The following TMEM268 variants were observed in gnomAD, a reference collection of about 807,000 sequenced individuals.
The protein encoded by TMEM268 is transmembrane protein C9orf91.
In TMEM268, 24 loss-of-function variants were observed where a neutral mutation model predicts 39.1. The observed-to-expected ratio is 0.61, with a 90% CI of 0.44 to 0.86. The LOEUF is 0.86. Among genes scored for constraint, TMEM268 ranks in the 40% least tolerant of loss-of-function variants. TMEM268 has a pLI of 0.00. For missense variants in TMEM268, 409 were observed against 428.6 expected, an observed-to-expected ratio of 0.95 and a Z score of 0.40; for synonymous variants, 176 against 173.5, an observed-to-expected ratio of 1.01 and a Z score of -0.12.
chr9:114,614,679 AGAC>A (rs973944044), intron 1 of TMEM268, among the ~76,000 whole-genome samples: 1 of 152,194 alleles, frequency 6.6e-6, no homozygotes, highest in Admixed American at 6.5e-5. Context: ...TGGCAGCAAA[AGAC>A]GATTCTAGTA....
intron 8 of TMEM268, among the ~76,000 whole-genome samples, chr9:114,640,407 A>C (rs972733273): frequency 3.9e-5 from 6 of 152,214 alleles, no homozygotes; most frequent in Non-Finnish European, 8.8e-5. Context: ...AAAGATGGAA[A>C]GATAGCGATA....
intron 2 of TMEM268, chr9:114,622,502 T>A: frequency 3.0e-6 from 3 of 985,144 alleles, no homozygotes; most frequent in Non-Finnish European, 3.6e-6. Flanking sequence ...TGCAGGCAGG[T>A]AGGTTTGGCT....
intron 1 of TMEM268, among the ~76,000 whole-genome samples, chr9:114,612,752 C>G (rs1845554845): frequency 6.6e-6 from 1 of 152,208 alleles, no homozygotes; most frequent in African/African-American, 2.4e-5. Flanking sequence ...TCCCCCACCC[C>G]AACCAAGGTG....
chr9:114,622,497 G>T (rs755829973), intron 2 of TMEM268: 60 of 985,088 alleles, frequency 6.1e-5, no homozygotes, highest in Middle Eastern at 1.0e-3. Context: ...GGAACTGCAG[G>T]CAGGTAGGTT....
intron 2 of TMEM268, among the ~76,000 whole-genome samples, chr9:114,621,000 T>A (rs1054635777): frequency 6.6e-6 from 1 of 152,040 alleles, no homozygotes; most frequent in Admixed American, 6.6e-5. Flanking sequence ...TAGAATTCTG[T>A]GGAACCCTTG....
intron 1 of TMEM268, among the ~76,000 whole-genome samples, chr9:114,616,742 C>A (rs1845730441): frequency 6.6e-6 from 1 of 151,970 alleles, no homozygotes; most frequent in Non-Finnish European, 1.5e-5. Flanking sequence ...AAACAAGACT[C>A]CCTGTAATGA....
chr9:114,630,589 AATCT>A (rs1225467871), intron 5 of TMEM268, among the ~76,000 whole-genome samples: 1 of 152,166 alleles, frequency 6.6e-6, no homozygotes. Flanking sequence ...TGAGTTACTT[AATCT>A]ATCAGGGCCT....
intron 1 of TMEM268, among the ~76,000 whole-genome samples, chr9:114,615,939 A>G (rs932006858): frequency 4.7e-5 from 7 of 150,110 alleles, no homozygotes; most frequent in Non-Finnish European, 1.0e-4. Flanking sequence ...TGATTCGCCC[A>G]CTTTGGCCTC....
chr9:114,609,419 A>AAAGCTT (rs1845409347), upstream of TMEM268, among the ~76,000 whole-genome samples: 1 of 152,232 alleles, frequency 6.6e-6, no homozygotes, highest in Admixed American at 6.5e-5. Context: ...GTGTAATCCC[A>AAAGCTT]GCACTTTGGG....
At chr9:114,611,602 G>A (rs1260550753) in intron 1 of TMEM268, 38 bp downstream of exon 1, 1 of 155,530 alleles carries the variant, frequency 6.4e-6, no homozygotes, top group Non-Finnish European at 1.4e-5. Flanking sequence ...CCCGTGTCCT[G>A]CGATCCGGGC....
rs147310996 is a variant in TMEM268 at position 114,623,211 on chromosome 9, C to T, written c.107-1139C>T. On this transcript the variant is annotated intron_variant, in intron 2 of 8. Transcript: ENST00000288502. ...TGTTGCCCAGGCTGGAGTGTAATGGCGTGATCTCGGTTCACTGCAACCTCC... is the reference window on the plus strand; with the variant it reads ...TGTTGCCCAGGCTGGAGTGTAATGGTGTGATCTCGGTTCACTGCAACCTCC... Among the ~76,000 whole-genome samples the T allele has an allele frequency of 5.7e-3, 866 of 152,176 alleles. 9 individuals are homozygous for T. Among genetic ancestry groups the T allele is most frequent in the African/African-American group, 0.02 (831 of 41,528 alleles).
chr9:114,624,290 C>G (rs1354201293), intron 2 of TMEM268, 60 bp from the exon 3 acceptor site: 1 of 1,548,644 alleles, frequency 6.5e-7, no homozygotes, highest in Admixed American at 2.0e-5. Flanking sequence ...GCTTCGGGCT[C>G]ACCCCACGAG....
At position 114,644,204 on chromosome 9, in the gene TMEM268, C is replaced by A. The variant is rs1414339160; in HGVS notation, c.*891C>A. ...GAACAAGTTTGAAGACCTATTGTTT[C>A]ATAGACCCAAGACCAAACGCATCTA... On this transcript the variant is annotated 3_prime_UTR_variant, in exon 9 of 9. Transcript: ENST00000288502. 6.6e-6 allele frequency: 1 copy of A among 152,352 alleles called. No individual in the cohort carries two copies. Among genetic ancestry groups the A allele is most frequent in the Non-Finnish European group, 1.5e-5 (1 of 68,048 alleles). 9.4% of individuals were successfully genotyped at this position (152,352 alleles called of 1,614,324 possible).
intron 5 of TMEM268, among the ~76,000 whole-genome samples, chr9:114,629,045 A>G (rs1536738): frequency 0.84 from 128,293 of 152,208 alleles, 54,136 homozygotes; most frequent in East Asian, 0.87. Flanking sequence ...CCCTAGACTC[A>G]GGCTCATAGA....
In TMEM268 at chr9:114,611,589, G is replaced by A. The variant is rs574841881; in HGVS notation, c.-79+25G>A. On this transcript the variant is annotated intron_variant, in intron 1 of 8. Transcript: ENST00000288502. ...GGTGAGTGTGCGCGGGCCCGGGCGC[G>A]CGCCCGTGTCCTGCGATCCGGGCTT... 1.7e-4 allele frequency: 26 copies of A among 157,092 alleles called. 1 individual carries two copies. The South Asian group carries it at 4.0e-3, about 24-fold the overall frequency. The allele number at this position is 157,092 out of a possible 1,614,324, so 9.7% of individuals were successfully genotyped here.
chr9:114,631,010 T>C (rs1471191641), intron 5 of TMEM268, among the ~76,000 whole-genome samples: 1 of 152,186 alleles, frequency 6.6e-6, no homozygotes, highest in East Asian at 1.9e-4. Context: ...ACTGTTAGCC[T>C]TTCTCAGGAT....
intron 8 of TMEM268, among the ~76,000 whole-genome samples, chr9:114,641,642 T>C (rs1827342083): frequency 6.6e-6 from 1 of 151,712 alleles, no homozygotes; most frequent in African/African-American, 2.4e-5. Flanking sequence ...AGATCACATG[T>C]CTTTTTTTTT....
intron 7 of TMEM268, among the ~76,000 whole-genome samples, chr9:114,637,453 T>C (rs1170512357): frequency 6.6e-6 from 1 of 151,776 alleles, no homozygotes; most frequent in African/African-American, 2.4e-5. Context: ...CCATCACACC[T>C]GGCTAATTTG....
chr9:114,632,982 A>G (rs894642599), intron 5 of TMEM268, among the ~76,000 whole-genome samples: 10 of 151,904 alleles, frequency 6.6e-5, no homozygotes, highest in African/African-American at 2.2e-4. Context: ...ACTATCCCCC[A>G]TCTCATTTTA....
Sources: allele counts gnomAD v4.1 joint callset (sites outside exome capture counted in the v4.1 genomes callset), GRCh38; gene constraint gnomAD v4.1.1; transcripts MANE v1.5; gene names NCBI Gene and HGNC (gene_info 2026-07-23, HGNC 2026-07-21).